The following CACNB4 variants were observed in gnomAD, a reference collection of about 807,000 sequenced individuals.
The protein encoded by CACNB4 is voltage-dependent L-type calcium channel subunit beta-4.
A neutral mutation model predicts 71.2 loss-of-function variants in CACNB4; 32 were observed. The ratio of observed to expected loss-of-function variants is 0.45; its 90% CI spans 0.34 to 0.60. CACNB4 has a LOEUF of 0.60. CACNB4 is among the 20% of genes least tolerant of loss of function. The pLI, the probability that CACNB4 is intolerant of heterozygous loss-of-function variation, is 0.01. For missense variants in CACNB4, 464 were observed against 647.9 expected (o/e 0.72, Z 3.08); for synonymous variants, 231 against 236.9 (o/e 0.97, Z 0.23).
chr2:152,057,226 G>A (rs1685773919), intron 2 of CACNB4, among the ~76,000 whole-genome samples: 1 of 152,150 alleles, frequency 6.6e-6, no homozygotes, highest in Non-Finnish European at 1.5e-5. Flanking sequence ...GGAACTGAAT[G>A]CTGTCAAAAT....
intron 2 of CACNB4, among the ~76,000 whole-genome samples, chr2:151,958,503 A>G (rs920459579): frequency 4.6e-5 from 7 of 152,230 alleles, no homozygotes; most frequent in African/African-American, 1.4e-4. Context: ...AGTGGAAAAG[A>G]TATCAGAAGA....
intron 2 of CACNB4, chr2:151,971,168 C>T (rs2099872439): frequency 3.8e-6 from 1 of 262,062 alleles, no homozygotes; most frequent in Admixed American, 4.8e-5. Flanking sequence ...CCTTGCATCA[C>T]AGTACCAACA....
chr2:151,867,704 C>T (rs2099843517), intron 9 of CACNB4: 1 of 152,178 alleles, frequency 6.6e-6, no homozygotes, highest in Non-Finnish European at 1.5e-5. Flanking sequence ...AAGAGTGCCT[C>T]CGCTGCAATT....
At chr2:151,845,417 C>T (rs1271836658) in intron 12 of CACNB4, among the ~76,000 whole-genome samples, 1 of 152,164 alleles carries the variant, frequency 6.6e-6, no homozygotes, top group Admixed American at 6.5e-5. Context: ...GACAATTTTT[C>T]TCTTTAGCTG....
chr2:151,889,281 C>T (rs2099850149), intron 2 of CACNB4, among the ~76,000 whole-genome samples: 1 of 151,836 alleles, frequency 6.6e-6, no homozygotes, highest in African/African-American at 2.4e-5. Flanking sequence ...CCAGCCTGGC[C>T]AATGTGGTGA....
In CACNB4 at chr2:151,834,422, A is replaced by T. The variant is rs753568860; in HGVS notation, c.*4697T>A. 6.6e-6 allele frequency: 1 copy of T among 151,978 alleles called. No individual in the cohort carries two copies. Among genetic ancestry groups the T allele is most frequent in the Non-Finnish European group, 1.5e-5 (1 of 67,850 alleles). 9.4% of individuals were successfully genotyped at this position (151,978 alleles called of 1,614,324 possible). ...GCAAGTAGAAGTTACAGCCCTTAGG[A>T]TTATCTGATGAGATACTTTCTAGTC... is the stretch of plus-strand genomic sequence containing the variant. On this transcript the variant is annotated 3_prime_UTR_variant, in exon 14 of 14. Transcript: ENST00000539935.
intron 2 of CACNB4, among the ~76,000 whole-genome samples, chr2:151,937,358 T>C (rs2099863167): frequency 1.3e-5 from 2 of 152,130 alleles, no homozygotes; most frequent in African/African-American, 4.8e-5. Flanking sequence ...ACTATGAAAA[T>C]GCAAAGAACT....
At chr2:151,970,938 A>G (rs909303718) in intron 2 of CACNB4, 2 of 152,200 alleles carry the variant, frequency 1.3e-5, no homozygotes, top group African/African-American at 4.9e-5. Context: ...AAGGCTCCAC[A>G]GGACTCAAGA....
chr2:151,943,746 A>T (rs973724626), intron 2 of CACNB4, among the ~76,000 whole-genome samples: 46 of 152,216 alleles, frequency 3.0e-4, no homozygotes, highest in African/African-American at 1.1e-3. Flanking sequence ...ATTTTTGATG[A>T]TCATTTGAAG....
chr2:151,924,973 A>G (rs1560006468), intron 2 of CACNB4, among the ~76,000 whole-genome samples: 1 of 152,062 alleles, frequency 6.6e-6, no homozygotes. Flanking sequence ...TGATAATTCC[A>G]TTTTTATCAC....
chr2:152,027,819 C>T (rs1258402887), intron 2 of CACNB4, among the ~76,000 whole-genome samples: 2 of 145,798 alleles, frequency 1.4e-5, no homozygotes, highest in East Asian at 4.0e-4. Context: ...TGCCACTGCA[C>T]TCCAGCCCGG....
chr2:152,031,430 G>A (rs1684278613), intron 2 of CACNB4, among the ~76,000 whole-genome samples: 2 of 152,196 alleles, frequency 1.3e-5, no homozygotes, highest in Non-Finnish European at 2.9e-5. Context: ...GGGACTCTGA[G>A]GATGAGAGAG....
chr2:152,040,084 C>A (rs999520842), intron 2 of CACNB4, among the ~76,000 whole-genome samples: 3 of 152,102 alleles, frequency 2.0e-5, no homozygotes, highest in Non-Finnish European at 4.4e-5. Context: ...GTTTTCATTG[C>A]GGCTAAATGG....
chr2:152,018,073 T>C (rs1281256715), intron 2 of CACNB4, among the ~76,000 whole-genome samples: 2 of 152,252 alleles, frequency 1.3e-5, no homozygotes, highest in Admixed American at 1.3e-4. Context: ...CCTCAGGTGA[T>C]CCACCCGCTT....
intron 2 of CACNB4, among the ~76,000 whole-genome samples, chr2:151,952,551 C>T (rs6725269): frequency 0.095 from 14,479 of 152,076 alleles, 1,632 homozygotes; most frequent in East Asian, 0.58. Flanking sequence ...AAAAGGAATG[C>T]GCAAAGAAAA....
At chr2:152,064,050 AG>A in intron 2 of CACNB4, among the ~76,000 whole-genome samples, 1 of 152,350 alleles carries the variant, frequency 6.6e-6, no homozygotes, top group East Asian at 1.9e-4. Flanking sequence ...TGAATGATAG[AG>A]TACTGGAAAT....
chr2:152,083,554 A>G (rs558029504), intron 2 of CACNB4, among the ~76,000 whole-genome samples: 1 of 152,358 alleles, frequency 6.6e-6, no homozygotes, highest in East Asian at 1.9e-4. Context: ...ACAGAAGAAC[A>G]CACAGTGTTA....
At chr2:152,033,934 G>A (rs1684420238) in intron 2 of CACNB4, among the ~76,000 whole-genome samples, 1 of 152,114 alleles carries the variant, frequency 6.6e-6, no homozygotes. Flanking sequence ...CAGGTAGTTA[G>A]CAACATAATA....
At position 152,074,429 on chromosome 2, in the gene CACNB4, T is replaced by A. The variant is rs532187063; in HGVS notation, c.147+23901A>T. On this transcript the variant is annotated intron_variant, in intron 2 of 13. Transcript: ENST00000539935. ...ATCACCACCAGCAGCACCACCACCA[T>A]AACCATCACCAAGCCATCGTGGCAT... Among the ~76,000 whole-genome samples the A allele has an allele frequency of 6.4e-5, 9 of 140,616 alleles. No individual in the cohort carries two copies. In the South Asian group the frequency reaches 2.2e-3, roughly 34 times the overall value. The allele number at this position is 140,616 out of a possible 152,430, so 92.2% of individuals were successfully genotyped here.
Sources: gnomAD v4.1 joint callset for allele counts (sites outside exome capture counted in the v4.1 genomes callset) on GRCh38, gnomAD v4.1.1 for gene constraint, MANE v1.5 for transcripts, NCBI Gene and HGNC (gene_info 2026-07-23, HGNC 2026-07-21) for gene names.